The following WDR47 variants were observed in gnomAD, a reference collection of about 807,000 sequenced individuals.
WDR47 encodes the protein WD repeat-containing protein 47.
WDR47 carries 32 observed loss-of-function variants against 97.2 expected under a neutral mutation model. The observed-to-expected ratio is 0.33, with a 90% CI of 0.25 to 0.44. The LOEUF (loss-of-function observed/expected upper bound fraction) is 0.44, where lower values mean the gene tolerates loss of function less well. Among genes scored for constraint, WDR47 ranks in the 20% least tolerant of loss-of-function variants. The pLI, the probability that WDR47 is intolerant of heterozygous loss-of-function variation, is 1.00. For synonymous variants in WDR47, 375 were observed against 373.5 expected, an observed-to-expected ratio of 1.00 and a Z score of -0.05; for missense variants, 782 against 1,102.3, an observed-to-expected ratio of 0.71 and a Z score of 4.11.
intron 3 of WDR47, among the ~76,000 whole-genome samples, chr1:109,016,127 A>T (rs1661402428): frequency 6.6e-6 from 1 of 152,080 alleles, no homozygotes; most frequent in Admixed American, 6.6e-5. Flanking sequence ...TACTGACTGA[A>T]CAAAGTGGCT....
chr1:108,999,525 G>A (rs1482449115), intron 7 of WDR47, among the ~76,000 whole-genome samples: 1 of 151,730 alleles, frequency 6.6e-6, no homozygotes, highest in Non-Finnish European at 1.5e-5. Context: ...GCAACATGGT[G>A]AAACTTCATC....
intron 4 of WDR47, among the ~76,000 whole-genome samples, chr1:109,012,607 A>G (rs1339930721): frequency 3.3e-5 from 5 of 150,092 alleles, no homozygotes; most frequent in African/African-American, 1.2e-4. Flanking sequence ...GGGAATGCCT[A>G]AAGTTGACTT....
intron 7 of WDR47, among the ~76,000 whole-genome samples, chr1:109,001,853 T>G (rs1242736619): frequency 6.6e-6 from 1 of 151,960 alleles, no homozygotes; most frequent in African/African-American, 2.4e-5. Flanking sequence ...ACTGTGCCTC[T>G]GCACTCCAGA....
intron 3 of WDR47, 26 bp from the exon 4 acceptor site, chr1:109,013,951 T>A (rs767652705): frequency 6.4e-7 from 1 of 1,551,466 alleles, no homozygotes; most frequent in Admixed American, 1.8e-5. Flanking sequence ...GAAGCATTAA[T>A]TTTTCCAATG....
intron 7 of WDR47, among the ~76,000 whole-genome samples, chr1:108,998,508 CA>C (rs1180098406): frequency 5.5e-5 from 8 of 145,790 alleles, no homozygotes; most frequent in Non-Finnish European, 7.6e-5. Flanking sequence ...CCTCAAAAAA[CA>C]AAAAAAAAAT....
chr1:109,017,894 G>A (rs985277811), intron 2 of WDR47, among the ~76,000 whole-genome samples: 1 of 151,136 alleles, frequency 6.6e-6, no homozygotes, highest in African/African-American at 2.4e-5. Flanking sequence ...CTATAGGCTC[G>A]CACCACTAAG....
intron 13 of WDR47, among the ~76,000 whole-genome samples, chr1:108,976,069 G>C (rs1414234310): frequency 6.6e-6 from 1 of 152,166 alleles, no homozygotes; most frequent in Non-Finnish European, 1.5e-5. Context: ...TTTTGAACTT[G>C]TCTCTGTAAA....
At position 108,991,315 on chromosome 1, in the gene WDR47, G is replaced by C. The variant is rs140523650; in HGVS notation, c.1706C>G (p.Ser569Trp). Residue 569 changes from serine to tryptophan, a missense_variant, in exon 9 of 15, where the codon TCG (serine) becomes TGG (tryptophan). Coordinates refer to ENST00000369962, the MANE Select transcript of WDR47 (RefSeq NM_001142551.2). ...PCGSQISSEH[S>W]VIKPPLGDSP... ...ATCTCCAAGAGGTGGCTTAATGACCGAATGTTCTGAAGAGCTGTGGGAGTA... is the reference window on the plus strand; with the variant it reads ...ATCTCCAAGAGGTGGCTTAATGACCCAATGTTCTGAAGAGCTGTGGGAGTA... 16 of 1,611,532 alleles carry C rather than the reference G, an allele frequency of 9.9e-6. No individual in the cohort carries two copies. The highest frequency in any genetic ancestry group is 1.3e-5 in the Non-Finnish European group (15 of 1,178,294).
intron 10 of WDR47, among the ~76,000 whole-genome samples, chr1:108,984,714 C>T (rs1022869883): frequency 5.3e-5 from 8 of 152,050 alleles, no homozygotes; most frequent in Non-Finnish European, 1.2e-4. Flanking sequence ...CCCGTCGCTA[C>T]TAAAAATACA....
intron 9 of WDR47, chr1:108,987,340 G>C (rs1339334294): frequency 6.6e-6 from 1 of 152,652 alleles, no homozygotes; most frequent in Non-Finnish European, 1.5e-5. Flanking sequence ...AAAAAATAGA[G>C]ATGGAGTTTC....
chr1:108,982,541 T>C (rs1274299330), intron 12 of WDR47, 68 bp downstream of exon 12: 2 of 1,514,702 alleles, frequency 1.3e-6, no homozygotes, highest in East Asian at 2.3e-5. Context: ...GAAAAGAAAA[T>C]GCAGAGAGGA....
At chr1:109,014,255 A>T (rs1341319891) in intron 3 of WDR47, among the ~76,000 whole-genome samples, 1 of 152,166 alleles carries the variant, frequency 6.6e-6, no homozygotes, top group Non-Finnish European at 1.5e-5. Flanking sequence ...AACAAATAAT[A>T]GTATATATTT....
At chr1:109,015,731 T>C (rs1339017000) in intron 3 of WDR47, among the ~76,000 whole-genome samples, 2 of 149,842 alleles carry the variant, frequency 1.3e-5, no homozygotes, top group Non-Finnish European at 3.0e-5. Flanking sequence ...CTCAAGCCTG[T>C]AATCCCAGCA....
chr1:109,034,587 G>C (rs1050382789), intron 1 of WDR47, among the ~76,000 whole-genome samples: 1 of 152,186 alleles, frequency 6.6e-6, no homozygotes, highest in Non-Finnish European at 1.5e-5. Context: ...TCTGAGTCCC[G>C]CTCCTGTTAG....
At chr1:108,992,035 A>C (rs1017411128) in intron 8 of WDR47, among the ~76,000 whole-genome samples, 2 of 152,108 alleles carry the variant, frequency 1.3e-5, no homozygotes, top group African/African-American at 4.8e-5. Context: ...GCCGAGATAA[A>C]AGGTAGAGAC....
intron 9 of WDR47, among the ~76,000 whole-genome samples, chr1:108,988,914 C>T (rs1659083512): frequency 6.6e-6 from 1 of 151,992 alleles, no homozygotes; most frequent in Admixed American, 6.6e-5. Context: ...TGCACCACCA[C>T]ACCCGGCTAA....
At chr1:108,993,639 A>G (rs1265222569) in intron 8 of WDR47, among the ~76,000 whole-genome samples, 2 of 152,206 alleles carry the variant, frequency 1.3e-5, no homozygotes, top group Admixed American at 1.3e-4. Context: ...CCAGGATTCT[A>G]TCTAGACCTA....
intron 1 of WDR47, chr1:109,030,123 A>G (rs1483907565): frequency 1.0e-5 from 12 of 1,176,354 alleles, no homozygotes; most frequent in Admixed American, 2.1e-5. Context: ...GAAGAAACAC[A>G]AGAAGAAACG....
chr1:109,022,597 A>AT (rs1489256638), intron 2 of WDR47, among the ~76,000 whole-genome samples: 6 of 151,698 alleles, frequency 4.0e-5, no homozygotes, highest in African/African-American at 1.5e-4. Context: ...TTATTTTTGT[A>AT]TTTTTGAGAC....
Sources: gnomAD v4.1 joint callset for allele counts (sites outside exome capture counted in the v4.1 genomes callset) on GRCh38, gnomAD v4.1.1 for gene constraint, MANE v1.5 for transcripts, NCBI Gene and HGNC (gene_info 2026-07-23, HGNC 2026-07-21) for gene names.